Variants in MRPS31 observed in about 807,000 individuals in gnomAD.
MRPS31 encodes the protein mitochondrial ribosomal protein S31, also known as small ribosomal subunit protein mS31.
A neutral mutation model predicts 43.1 loss-of-function variants in MRPS31; 32 were observed. The observed-to-expected ratio is 0.74, with a 90% CI of 0.56 to 1.00. The LOEUF is 1.00. Ranked by LOEUF, MRPS31 falls within the 50% of genes least tolerant of loss-of-function variation. The pLI, the probability that MRPS31 is intolerant of heterozygous loss-of-function variation, is 0.00. For missense variants in MRPS31, 437 were observed against 466.7 expected, an observed-to-expected ratio of 0.94 and a Z score of 0.59; for synonymous variants, 165 against 161.6, an observed-to-expected ratio of 1.02 and a Z score of -0.16.
intron 1 of MRPS31, among the ~76,000 whole-genome samples, chr13:40,768,362 C>A (rs942702373): frequency 7.2e-6 from 1 of 139,316 alleles, no homozygotes; most frequent in East Asian, 2.6e-4. Context: ...TAGCCCCCAC[C>A]CCCCAACTAG....
At chr13:40,762,218 C>T (rs1259309114) in intron 2 of MRPS31, among the ~76,000 whole-genome samples, 1 of 152,046 alleles carries the variant, frequency 6.6e-6, no homozygotes, top group Non-Finnish European at 1.5e-5. Context: ...GGGAATAGAG[C>T]AAGACTCTGT....
rs774145864 is a variant in MRPS31, at chr13:40,729,386, T to C, written c.1174A>G (p.Ile392Val). Reference sequence around the variant, plus strand: ...TTTCCATGGTCTTAATTGAACTGTATGTTACTTTCTTTTAGAATATCCTTT... The same window carrying C: ...TTTCCATGGTCTTAATTGAACTGTACGTTACTTTCTTTTAGAATATCCTTT... ...EKKDILKESNIQFN is the reference protein window; with the variant it reads ...EKKDILKESNVQFN Residue 392 changes from isoleucine to valine, a missense_variant, in exon 7 of 7, where the codon ATA becomes GTA. Transcript: ENST00000323563. 14 of 1,487,648 alleles carry C rather than the reference T, an allele frequency of 9.4e-6. No individual in the cohort carries two copies. The highest frequency in any genetic ancestry group is 1.7e-4 in the Middle Eastern group (1 of 5,804). The allele number at this position is 1,487,648 out of a possible 1,614,324, so 92.2% of individuals were successfully genotyped here.
intron 1 of MRPS31, among the ~76,000 whole-genome samples, chr13:40,768,589 G>C (rs1880914418): frequency 6.6e-6 from 1 of 151,998 alleles, no homozygotes; most frequent in Non-Finnish European, 1.5e-5. Flanking sequence ...TAGAGACAGG[G>C]TTTCGCCATG....
At chr13:40,737,449 A>G (rs542938012) in intron 6 of MRPS31, among the ~76,000 whole-genome samples, 5,600 of 150,014 alleles carry the variant, frequency 0.037, 178 homozygotes, top group East Asian at 0.11. Flanking sequence ...GACATCTACA[A>G]AACTCTCCAC....
chr13:40,753,447 G>A (rs1463893325), intron 5 of MRPS31, among the ~76,000 whole-genome samples: 3 of 152,240 alleles, frequency 2.0e-5, no homozygotes, highest in African/African-American at 7.2e-5. Context: ...ACCTCCCGCT[G>A]TCTCACAGAA....
At chr13:40,762,782 T>TTGTGTGTG (rs60906711) in intron 2 of MRPS31, among the ~76,000 whole-genome samples, 3 of 129,990 alleles carry the variant, frequency 2.3e-5, no homozygotes, top group African/African-American at 8.7e-5. Flanking sequence ...AGTATAGACA[T>TTGTGTGTG]TGTGTGTGTG....
At chr13:40,757,723 C>G (rs1443585696) in intron 3 of MRPS31, among the ~76,000 whole-genome samples, 2 of 145,918 alleles carry the variant, frequency 1.4e-5, no homozygotes, top group African/African-American at 2.5e-5. Flanking sequence ...GGATTACAGG[C>G]GTGAGCCAGT....
intron 1 of MRPS31, among the ~76,000 whole-genome samples, chr13:40,770,270 T>A (rs1209766079): frequency 6.6e-6 from 1 of 152,226 alleles, no homozygotes; most frequent in East Asian, 1.9e-4. Flanking sequence ...CCAAACTGCC[T>A]TCTGAGTGTT....
At position 40,766,813 on chromosome 13, in the gene MRPS31, GTCT is replaced by G; in HGVS notation, c.370_372del (p.Arg124del). The G allele has an allele frequency of 6.2e-7, 1 of 1,614,044 alleles. No individual in the cohort carries two copies. Among genetic ancestry groups the G allele is most frequent in the Non-Finnish European group, 8.5e-7 (1 of 1,179,988 alleles). ...AGTGTAGCTTCCAAACTTTTAAGTG[GTCT>G]TCTTTTGGGGGGCTTTGTTGTTCGT... On this transcript the variant is annotated inframe_deletion, in exon 2 of 7. Transcript: ENST00000323563.
chr13:40,736,892 G>A (rs1385524165), intron 6 of MRPS31, among the ~76,000 whole-genome samples: 21 of 149,998 alleles, frequency 1.4e-4, no homozygotes, highest in African/African-American at 5.0e-4. Flanking sequence ...AAAATAACCA[G>A]CTAACATCAT....
chr13:40,771,016 CTG>C lies in MRPS31; in HGVS notation c.119_120del (p.Thr40SerfsTer15). ...AIMLLTVRHG[T>X]VRYRSSALLA... ...AACAGCGCTGAACTGCGGTACCTGA[CTG>C]TTCCGTGCCGAACAGTGAGTAGCAT... On this transcript the variant is annotated frameshift_variant, in exon 1 of 7. Transcript: ENST00000323563. LOFTEE classifies it high-confidence loss of function. 1.9e-6 allele frequency: 3 copies of C among 1,614,190 alleles called. No homozygotes were observed. Among genetic ancestry groups the C allele is most frequent in the Non-Finnish European group, 2.5e-6 (3 of 1,180,030 alleles).
At chr13:40,746,941 T>C (rs1880254455) in intron 6 of MRPS31, among the ~76,000 whole-genome samples, 3 of 152,176 alleles carry the variant, frequency 2.0e-5, no homozygotes, top group South Asian at 4.1e-4. Context: ...CCCAACATTT[T>C]AGAGATGAAG....
intron 6 of MRPS31, among the ~76,000 whole-genome samples, chr13:40,745,260 T>C (rs1880211452): frequency 6.6e-6 from 1 of 152,184 alleles, no homozygotes. Flanking sequence ...TATCTTATTT[T>C]ATTTATTTTG....
intron 3 of MRPS31, 69 bp downstream of exon 3, chr13:40,758,879 C>A: frequency 2.2e-6 from 3 of 1,380,158 alleles, no homozygotes; most frequent in Non-Finnish European, 2.9e-6. Flanking sequence ...GTGTATTACT[C>A]ACTAGCCATA....
At chr13:40,736,579 T>A (rs923455535) in intron 6 of MRPS31, among the ~76,000 whole-genome samples, 6 of 150,950 alleles carry the variant, frequency 4.0e-5, no homozygotes, top group Non-Finnish European at 8.8e-5. Flanking sequence ...TAACAGCGGA[T>A]CTCTCGGCAG....
At chr13:40,735,646 G>C (rs1593441365) in intron 6 of MRPS31, among the ~76,000 whole-genome samples, 1 of 152,064 alleles carries the variant, frequency 6.6e-6, no homozygotes, top group African/African-American at 2.4e-5. Flanking sequence ...CAGCCTAACT[G>C]GGAGGCACCC....
At chr13:40,762,915 G>A (rs939708090) in intron 2 of MRPS31, among the ~76,000 whole-genome samples, 1 of 151,522 alleles carries the variant, frequency 6.6e-6, no homozygotes. Flanking sequence ...TTTGTTCAAT[G>A]TCCAATCTCT....
At chr13:40,761,125 A>G (rs1186096278) in intron 2 of MRPS31, among the ~76,000 whole-genome samples, 1 of 151,734 alleles carries the variant, frequency 6.6e-6, no homozygotes, top group Admixed American at 6.6e-5. Context: ...AAAATTAGCC[A>G]GGTGTGGTGG....
At chr13:40,755,091 C>G (rs1432119588) in intron 4 of MRPS31, among the ~76,000 whole-genome samples, 1 of 152,158 alleles carries the variant, frequency 6.6e-6, no homozygotes, top group Non-Finnish European at 1.5e-5. Flanking sequence ...ATTTTGAATT[C>G]TTGTTTTTTT....
Sources: allele counts gnomAD v4.1 joint callset (sites outside exome capture counted in the v4.1 genomes callset), GRCh38; gene constraint gnomAD v4.1.1; transcripts MANE v1.5; gene names NCBI Gene and HGNC (gene_info 2026-07-23, HGNC 2026-07-21).